The following LRRC4C variants were observed in gnomAD, a reference collection of about 807,000 sequenced individuals.
LRRC4C encodes the protein leucine rich repeat containing 4C.
A neutral mutation model predicts 33.6 loss-of-function variants in LRRC4C; 5 were observed. The observed-to-expected ratio is 0.15, with a 90% CI of 0.08 to 0.31. LRRC4C has a LOEUF of 0.31. Among genes scored for constraint, LRRC4C ranks in the 10% least tolerant of loss-of-function variants. The pLI is 1.00. For synonymous variants in LRRC4C, 329 were observed against 302.0 expected (o/e 1.09, Z -0.93); for missense variants, 560 against 796.7 (o/e 0.70, Z 3.58).
intron 1 of LRRC4C, among the ~76,000 whole-genome samples, chr11:41,300,175 T>C (rs1950248114): frequency 6.6e-6 from 1 of 152,160 alleles, no homozygotes; most frequent in Admixed American, 6.5e-5. Context: ...ACTGGGGAAA[T>C]TATTTACTAA....
intron 5 of LRRC4C, among the ~76,000 whole-genome samples, chr11:40,142,313 T>C (rs1172927397): frequency 6.6e-6 from 1 of 150,648 alleles, no homozygotes; most frequent in Non-Finnish European, 1.5e-5. Context: ...AACCTCGATT[T>C]TATAAAATGT....
intron 2 of LRRC4C, among the ~76,000 whole-genome samples, chr11:40,767,308 A>G (rs1162394045): frequency 1.3e-5 from 2 of 152,124 alleles, no homozygotes; most frequent in Non-Finnish European, 2.9e-5. Flanking sequence ...CCAACAATGG[A>G]TCACCCAGAT....
At position 41,205,240 on chromosome 11, in the gene LRRC4C, A is replaced by T. The variant is rs566936226; in HGVS notation, c.-496+254191T>A. ...CAGAGCTATATAAACTATGATGATG[A>T]GATTGATACTTATTTCAAAAATGAT... On this transcript the variant is annotated intron_variant, in intron 1 of 6. Transcript: ENST00000528697. 3.3e-5 allele frequency among the ~76,000 whole-genome samples: 5 copies of T among 152,314 alleles called. No individual in the cohort carries two copies. The South Asian group carries it at 1.0e-3, about 32-fold the overall frequency.
chr11:41,159,574 G>A (rs1286928067), intron 1 of LRRC4C, among the ~76,000 whole-genome samples: 1 of 152,092 alleles, frequency 6.6e-6, no homozygotes, highest in Non-Finnish European at 1.5e-5. Flanking sequence ...ATTTAATATT[G>A]TGAAAGCCAA....
rs570903004 is a variant in LRRC4C, at chr11:40,980,459, G to A, written c.-495-46736C>T. Among the ~76,000 whole-genome samples, 14 of 152,224 alleles carry A rather than the reference G, an allele frequency of 9.2e-5. No individual in the cohort carries two copies. The South Asian group carries it at 2.9e-3, about 32-fold the overall frequency. Reference sequence around the variant, plus strand: ...ATCCGTATTAATTGGGCATGCTGGAGAAGAGAAATTGAGACCTCCTAGCAT... The same window carrying A: ...ATCCGTATTAATTGGGCATGCTGGAAAAGAGAAATTGAGACCTCCTAGCAT... On this transcript the variant is annotated intron_variant, in intron 1 of 6. Coordinates refer to ENST00000528697, the MANE Select transcript of LRRC4C (RefSeq NM_001258419.2).
At chr11:41,042,124 A>G (rs1462701223) in intron 1 of LRRC4C, among the ~76,000 whole-genome samples, 1 of 152,186 alleles carries the variant, frequency 6.6e-6, no homozygotes, top group Non-Finnish European at 1.5e-5. Flanking sequence ...TTTGTCTTGT[A>G]TATCTCCTCT....
chr11:41,339,746 G>A (rs1334482433), intron 1 of LRRC4C, among the ~76,000 whole-genome samples: 1 of 152,062 alleles, frequency 6.6e-6, no homozygotes, highest in Non-Finnish European at 1.5e-5. Flanking sequence ...TGGTTATATA[G>A]GCTATTTTAC....
intron 5 of LRRC4C, among the ~76,000 whole-genome samples, chr11:40,168,115 G>A (rs1859754732): frequency 6.6e-6 from 1 of 152,118 alleles, no homozygotes; most frequent in African/African-American, 2.4e-5. Context: ...GAAAGGAGAT[G>A]TGAAATAAGG....
intron 1 of LRRC4C, among the ~76,000 whole-genome samples, chr11:41,329,266 TC>T (rs1342733055): frequency 1.1e-4 from 16 of 152,218 alleles, no homozygotes; most frequent in Admixed American, 9.8e-4. Context: ...CTATTCATAC[TC>T]CAAAGAATCT....
chr11:40,758,723 A>G (rs1241705092), intron 2 of LRRC4C, among the ~76,000 whole-genome samples: 1 of 152,056 alleles, frequency 6.6e-6, no homozygotes, highest in Non-Finnish European at 1.5e-5. Context: ...GGAGCATACA[A>G]TAAAATAGAA....
chr11:40,305,589 G>T (rs1944988896), intron 4 of LRRC4C, among the ~76,000 whole-genome samples: 3 of 148,930 alleles, frequency 2.0e-5, no homozygotes, highest in Admixed American at 1.3e-4. Context: ...GTATCCAGTT[G>T]TATTTACATT....
chr11:40,671,009 C>T (rs1220590685), intron 2 of LRRC4C, among the ~76,000 whole-genome samples: 1 of 152,160 alleles, frequency 6.6e-6, no homozygotes, highest in Non-Finnish European at 1.5e-5. Context: ...GTGATCCGCC[C>T]GCCTTGGCCT....
rs116594472 is a variant in LRRC4C at position 41,001,900 on chromosome 11, G to A, written c.-495-68177C>T. ...TTTTGTACCATCCAGGATTCCTACC[G>A]ACACTGTAGATATTTATGTTACTGA... On this transcript the variant is annotated intron_variant, in intron 1 of 6. Transcript: ENST00000528697. Among the ~76,000 whole-genome samples, 335 of 150,256 alleles carry A rather than the reference G, an allele frequency of 2.2e-3. 1 individual carries two copies. The highest frequency in any genetic ancestry group is 8.0e-3 in the African/African-American group (325 of 40,772).
chr11:41,119,232 A>G (rs1942300226), intron 1 of LRRC4C, among the ~76,000 whole-genome samples: 1 of 152,142 alleles, frequency 6.6e-6, no homozygotes, highest in African/African-American at 2.4e-5. Context: ...CATATTTTAA[A>G]TTATTTTAAT....
At chr11:41,406,247 A>C (rs1158216901) in intron 1 of LRRC4C, among the ~76,000 whole-genome samples, 1 of 152,154 alleles carries the variant, frequency 6.6e-6, no homozygotes, top group East Asian at 1.9e-4. Flanking sequence ...TTAAAAGGTA[A>C]AATTTTTGCT....
At position 40,972,745 on chromosome 11, in the gene LRRC4C, G is replaced by A. The variant is rs149606991; in HGVS notation, c.-495-39022C>T. Among the ~76,000 whole-genome samples the A allele has an allele frequency of 7.5e-3, 1,144 of 152,240 alleles. 12 individuals carry two copies. Among genetic ancestry groups the A allele is most frequent in the African/African-American group, 0.026 (1,098 of 41,540 alleles). ...CTCGCTATCATGAGAACAACATGGGGGGACTGCCCTCATGATATAATCACT... is the reference window on the plus strand; with the variant it reads ...CTCGCTATCATGAGAACAACATGGGAGGACTGCCCTCATGATATAATCACT... On this transcript the variant is annotated intron_variant, in intron 1 of 6. Coordinates refer to ENST00000528697, the MANE Select transcript of LRRC4C (RefSeq NM_001258419.2).
intron 2 of LRRC4C, among the ~76,000 whole-genome samples, chr11:40,847,686 CT>C (rs941307057): frequency 6.6e-6 from 1 of 151,570 alleles, no homozygotes; most frequent in African/African-American, 2.4e-5. Flanking sequence ...AGGAGTCCCT[CT>C]TTTTCCATTG....
chr11:40,168,105 G>A (rs1261510192), intron 5 of LRRC4C, among the ~76,000 whole-genome samples: 2 of 152,076 alleles, frequency 1.3e-5, no homozygotes, highest in Non-Finnish European at 2.9e-5. Flanking sequence ...CTGCTAGTAG[G>A]AAAGGAGATG....
At chr11:40,472,970 T>C (rs1953018371) in intron 3 of LRRC4C, among the ~76,000 whole-genome samples, 2 of 152,126 alleles carry the variant, frequency 1.3e-5, no homozygotes, top group African/African-American at 4.8e-5. Context: ...ATTAATAGCC[T>C]ACCAACCAAA....
Sources: gnomAD v4.1 joint callset for allele counts (sites outside exome capture counted in the v4.1 genomes callset) on GRCh38, gnomAD v4.1.1 for gene constraint, MANE v1.5 for transcripts, NCBI Gene and HGNC (gene_info 2026-07-23, HGNC 2026-07-21) for gene names.